The following FOXN3 variants were observed in gnomAD, a reference collection of about 807,000 sequenced individuals.
FOXN3 encodes the protein forkhead box N3, also known as forkhead box protein N3.
Under a neutral mutation model 38.4 loss-of-function variants are expected in FOXN3, and 7 were observed. That is an observed-to-expected ratio of 0.18 (90% CI 0.10 to 0.34). FOXN3 has a LOEUF of 0.34. FOXN3 is among the 10% of genes least tolerant of loss of function. FOXN3 has a pLI of 1.00. For synonymous variants in FOXN3, 230 were observed against 242.2 expected, an observed-to-expected ratio of 0.95 and a Z score of 0.47; for missense variants, 456 against 613.4, an observed-to-expected ratio of 0.74 and a Z score of 2.71.
intron 5 of FOXN3, among the ~76,000 whole-genome samples, chr14:89,178,645 G>C (rs954461205): frequency 6.6e-6 from 1 of 152,194 alleles, no homozygotes; most frequent in Admixed American, 6.5e-5. Flanking sequence ...GCAGTGCTTT[G>C]TTATTCTCTA....
chr14:89,402,581 G>A (rs1242231391), intron 2 of FOXN3, among the ~76,000 whole-genome samples: 2 of 152,300 alleles, frequency 1.3e-5, no homozygotes, highest in South Asian at 2.1e-4. Flanking sequence ...CCAAGCTCTA[G>A]CCAATAAGAT....
At chr14:89,489,029 A>G (rs1893514323) in intron 1 of FOXN3, among the ~76,000 whole-genome samples, 5 of 152,194 alleles carry the variant, frequency 3.3e-5, no homozygotes, top group Admixed American at 3.3e-4. Flanking sequence ...TTATTTCCCG[A>G]TGTTGGTAGG....
At chr14:89,527,141 G>GT (rs910447896) in intron 1 of FOXN3, among the ~76,000 whole-genome samples, 3 of 151,904 alleles carry the variant, frequency 2.0e-5, no homozygotes, top group African/African-American at 7.3e-5. Context: ...AAGAAACGGA[G>GT]TTTTTTCAAC....
intron 3 of FOXN3, among the ~76,000 whole-genome samples, chr14:89,287,925 T>C (rs1206147529): frequency 6.6e-6 from 1 of 152,058 alleles, no homozygotes; most frequent in East Asian, 1.9e-4. Context: ...CCCAGTGTGG[T>C]GGCATGTGCC....
intron 1 of FOXN3, among the ~76,000 whole-genome samples, chr14:89,597,105 C>T (rs894754834): frequency 4.6e-5 from 7 of 152,098 alleles, no homozygotes; most frequent in Non-Finnish European, 7.4e-5. Context: ...TATAAATAGG[C>T]TTTAAATATC....
intron 5 of FOXN3, among the ~76,000 whole-genome samples, chr14:89,166,229 C>A (rs1053753039): frequency 6.6e-6 from 1 of 152,106 alleles, no homozygotes; most frequent in African/African-American, 2.4e-5. Context: ...TGGTTTCGAG[C>A]CTGAGAATGT....
At chr14:89,442,789 C>T (rs1892414443) in intron 1 of FOXN3, among the ~76,000 whole-genome samples, 1 of 150,662 alleles carries the variant, frequency 6.6e-6, no homozygotes, top group African/African-American at 2.5e-5. Context: ...GCCAGTCTTT[C>T]CCAGCCATGG....
At chr14:89,289,733 C>T (rs908075068) in intron 3 of FOXN3, among the ~76,000 whole-genome samples, 5 of 152,154 alleles carry the variant, frequency 3.3e-5, no homozygotes, top group Non-Finnish European at 5.9e-5. Flanking sequence ...CTGCTGACAG[C>T]ATATCCACAC....
At chr14:89,325,280 A>ACACCAACAC (rs1301770472) in intron 3 of FOXN3, among the ~76,000 whole-genome samples, 1 of 84,686 alleles carries the variant, frequency 1.2e-5, no homozygotes, top group Non-Finnish European at 2.7e-5. Context: ...ACCAACACCA[A>ACACCAACAC]CACCAACACC....
chr14:89,343,091 A>G (rs1485168819), intron 3 of FOXN3, among the ~76,000 whole-genome samples: 1 of 152,184 alleles, frequency 6.6e-6, no homozygotes, highest in African/African-American at 2.4e-5. Flanking sequence ...TCTGCCAACT[A>G]TTAAACGCAC....
At chr14:89,472,795 T>C (rs983714798) in intron 1 of FOXN3, among the ~76,000 whole-genome samples, 5 of 151,664 alleles carry the variant, frequency 3.3e-5, no homozygotes, top group Admixed American at 1.3e-4. Flanking sequence ...TTGGTCATTA[T>C]ATATGTAGAC....
At chr14:89,603,998 A>T (rs1896214078) in intron 1 of FOXN3, among the ~76,000 whole-genome samples, 1 of 152,226 alleles carries the variant, frequency 6.6e-6, no homozygotes. Context: ...CCACAAGGTA[A>T]TCCTCACAGG....
intron 1 of FOXN3, among the ~76,000 whole-genome samples, chr14:89,505,655 C>A (rs983530461): frequency 1.3e-5 from 2 of 152,070 alleles, no homozygotes; most frequent in Non-Finnish European, 2.9e-5. Flanking sequence ...CCTGCCTTGG[C>A]CCCCCAAAGT....
chr14:89,421,483 A>G (rs185981256), upstream of FOXN3, among the ~76,000 whole-genome samples: 50 of 149,104 alleles, frequency 3.4e-4, no homozygotes, highest in East Asian at 8.8e-3. Flanking sequence ...AAATCGTGCA[A>G]TTGTCCGTGT....
At chr14:89,551,445 C>T (rs1363509493) in intron 1 of FOXN3, among the ~76,000 whole-genome samples, 1 of 152,178 alleles carries the variant, frequency 6.6e-6, no homozygotes, top group African/African-American at 2.4e-5. Context: ...AACACTTCTC[C>T]TTCCTCCCAA....
At chr14:89,189,402 G>T (rs565921173) in intron 4 of FOXN3, among the ~76,000 whole-genome samples, 1 of 152,180 alleles carries the variant, frequency 6.6e-6, no homozygotes, top group Non-Finnish European at 1.5e-5. Context: ...AAGGAGATAG[G>T]TGAGTGCCAG....
chr14:89,533,820 G>A (rs1894627583), intron 1 of FOXN3, among the ~76,000 whole-genome samples: 2 of 151,898 alleles, frequency 1.3e-5, no homozygotes, highest in Admixed American at 1.3e-4. Flanking sequence ...AACGAGAAAA[G>A]CTCCCACTTA....
At chr14:89,189,251 G>A (rs141702867) in intron 4 of FOXN3, among the ~76,000 whole-genome samples, 14 of 152,314 alleles carry the variant, frequency 9.2e-5, no homozygotes, top group Admixed American at 3.3e-4. Flanking sequence ...CTAACAAAAG[G>A]CACCTGTTTT....
At chr14:89,570,878 T>G (rs1453700121) in intron 1 of FOXN3, among the ~76,000 whole-genome samples, 1 of 152,148 alleles carries the variant, frequency 6.6e-6, no homozygotes, top group Non-Finnish European at 1.5e-5. Flanking sequence ...CGATGCCCCA[T>G]GTAGGAAGTG....
Sources: allele counts gnomAD v4.1 joint callset (sites outside exome capture counted in the v4.1 genomes callset), GRCh38; gene constraint gnomAD v4.1.1; transcripts MANE v1.5; gene names NCBI Gene and HGNC (gene_info 2026-07-23, HGNC 2026-07-21).